The following TM9SF2 variants were observed in gnomAD, a reference collection of about 807,000 sequenced individuals.
TM9SF2 encodes 76 kDa membrane protein.
Under a neutral mutation model 84.9 loss-of-function variants are expected in TM9SF2, and 13 were observed. The observed-to-expected ratio is 0.15, with a 90% confidence interval of 0.10 to 0.24. The LOEUF is 0.24. TM9SF2 is among the 10% of genes least tolerant of loss of function. The pLI is 1.00. For missense variants in TM9SF2, 562 were observed against 818.5 expected, an observed-to-expected ratio of 0.69 and a Z score of 3.82; for synonymous variants, 273 against 285.8, an observed-to-expected ratio of 0.96 and a Z score of 0.45.
At chr13:99,517,875 C>T (rs2046141734) in intron 2 of TM9SF2, among the ~76,000 whole-genome samples, 194 bp downstream of exon 2, 1 of 152,072 alleles carries the variant, frequency 6.6e-6, no homozygotes, top group South Asian at 2.1e-4. Flanking sequence ...ACTGACTAAA[C>T]AATGGATTTC....
intron 1 of TM9SF2, among the ~76,000 whole-genome samples, chr13:99,508,443 A>ACACACACACACCCC (rs1311954976): frequency 1.4e-5 from 2 of 147,448 alleles, no homozygotes; most frequent in East Asian, 2.0e-4. Flanking sequence ...ACACACACAC[A>ACACACACACACCCC]CCCCAGAGAT....
chr13:99,531,519 C>A (rs990083423), intron 4 of TM9SF2, among the ~76,000 whole-genome samples: 1 of 152,068 alleles, frequency 6.6e-6, no homozygotes, highest in South Asian at 2.1e-4. Context: ...ATGCATAGAA[C>A]CCTGGGTTGC....
chr13:99,538,409 T>C (rs1289747676), intron 6 of TM9SF2, among the ~76,000 whole-genome samples: 1 of 152,170 alleles, frequency 6.6e-6, no homozygotes, highest in Non-Finnish European at 1.5e-5. Context: ...TTTTCTGCCA[T>C]TGAATTAGCC....
intron 1 of TM9SF2, among the ~76,000 whole-genome samples, chr13:99,510,463 G>C (rs1041678380): frequency 6.6e-6 from 1 of 152,146 alleles, no homozygotes; most frequent in East Asian, 1.9e-4. Context: ...ATTGGCTCAC[G>C]ATTCTGCAGG....
Position 99,543,961 on chromosome 13 carries a change from G to A in TM9SF2, c.1116G>A (p.Gly372=). 4 of 1,614,066 alleles carry A rather than the reference G, an allele frequency of 2.5e-6. No homozygotes were observed. Among genetic ancestry groups the A allele is most frequent in the Non-Finnish European group, 3.4e-6 (4 of 1,179,982 alleles). The part of the protein sequence containing the change: ...GMLLSVFLGS[G]TQILIMTFVT... ...TGCTATCAGTCTTTCTAGGATCCGG[G>A]ACACAGATTTTAATTATGACCTTTG... The change falls in exon 10 of 17, where the codon GGG becomes GGA. Residue 372 remains glycine, a synonymous_variant. Coordinates refer to ENST00000376387, the MANE Select transcript of TM9SF2 (RefSeq NM_004800.3).
intron 11 of TM9SF2, 61 bp downstream of exon 11, chr13:99,547,165 T>C: frequency 1.2e-6 from 2 of 1,600,644 alleles, no homozygotes; most frequent in Admixed American, 3.4e-5. Flanking sequence ...CGGCTGTGGA[T>C]CTGACCTGGG....
At chr13:99,513,904 G>A (rs1170124652) in intron 1 of TM9SF2, among the ~76,000 whole-genome samples, 4 of 111,806 alleles carry the variant, frequency 3.6e-5, no homozygotes, top group Non-Finnish European at 8.8e-5. Flanking sequence ...CCAATGTCCT[G>A]TAAAGCCTAA....
intron 1 of TM9SF2, among the ~76,000 whole-genome samples, chr13:99,502,229 G>A (rs568078198): frequency 1.4e-4 from 21 of 152,352 alleles, no homozygotes; most frequent in African/African-American, 4.8e-4. Flanking sequence ...GTTTCCATTA[G>A]CTTTTAACTT....
At chr13:99,548,380 T>G (rs555081966) in intron 11 of TM9SF2, among the ~76,000 whole-genome samples, 1 of 152,250 alleles carries the variant, frequency 6.6e-6, no homozygotes, top group African/African-American at 2.4e-5. Flanking sequence ...TATGATCTTA[T>G]GTGTATATGT....
chr13:99,551,402 T>C (rs540463246), intron 12 of TM9SF2, among the ~76,000 whole-genome samples: 30 of 152,350 alleles, frequency 2.0e-4, no homozygotes, highest in African/African-American at 7.2e-4. Flanking sequence ...GGACAGCTGA[T>C]TCTCTTCATG....
At chr13:99,535,808 C>G (rs2046231492) in intron 4 of TM9SF2, among the ~76,000 whole-genome samples, 1 of 152,100 alleles carries the variant, frequency 6.6e-6, no homozygotes, top group Non-Finnish European at 1.5e-5. Context: ...GCAGTGTACT[C>G]TGGGCGCAGG....
chr13:99,533,018 G>GT (rs1294127500), intron 4 of TM9SF2, among the ~76,000 whole-genome samples: 1 of 152,144 alleles, frequency 6.6e-6, no homozygotes, highest in Non-Finnish European at 1.5e-5. Flanking sequence ...CATTATTTGA[G>GT]TATATTCTGT....
intron 3 of TM9SF2, among the ~76,000 whole-genome samples, chr13:99,524,445 G>C (rs1388275177): frequency 6.6e-6 from 1 of 152,076 alleles, no homozygotes; most frequent in African/African-American, 2.4e-5. Flanking sequence ...GGGGGATGGG[G>C]AAGAGTTAGT....
chr13:99,562,825 G>T lies in TM9SF2; in HGVS notation c.*67G>T. ...TCTTCATCAACAAAGACCTGTTTTT[G>T]TGACTGCCTTGAGTTTTATCAGAAT... On this transcript the variant is annotated 3_prime_UTR_variant, in exon 17 of 17. Transcript: ENST00000376387. 6.7e-7 allele frequency: 1 copy of T among 1,484,148 alleles called. No homozygotes were observed. The highest frequency in any genetic ancestry group is 1.2e-5 in the South Asian group (1 of 84,322). 91.9% of individuals were successfully genotyped at this position (1,484,148 alleles called of 1,614,324 possible). A position where few individuals can be genotyped will look rare whatever the true frequency, so the allele number is the denominator to read the frequency against.
intron 1 of TM9SF2, among the ~76,000 whole-genome samples, chr13:99,513,162 T>C (rs2046120534): frequency 6.6e-6 from 1 of 152,218 alleles, no homozygotes; most frequent in African/African-American, 2.4e-5. Context: ...TTTAAGCTTC[T>C]GGGTAGAAAG....
At chr13:99,530,728 C>G (rs937170041) in intron 4 of TM9SF2, among the ~76,000 whole-genome samples, 1 of 152,150 alleles carries the variant, frequency 6.6e-6, no homozygotes, top group Non-Finnish European at 1.5e-5. Context: ...TTTTGCTTAG[C>G]CTTTCATTTT....
At chr13:99,537,944 C>T in intron 6 of TM9SF2, 81 bp downstream of exon 6, 1 of 1,472,440 alleles carries the variant, frequency 6.8e-7, no homozygotes, top group Non-Finnish European at 9.0e-7. Flanking sequence ...CTCAATTACT[C>T]CTTAATATTC....
chr13:99,540,586 A>C (rs1231582200), intron 7 of TM9SF2, 128 bp from the exon 8 acceptor site: 1 of 610,008 alleles, frequency 1.6e-6, no homozygotes, highest in Non-Finnish European at 2.7e-6. Flanking sequence ...AGGACTAACC[A>C]AAGTTAGATA....
intron 1 of TM9SF2, among the ~76,000 whole-genome samples, chr13:99,516,096 C>T (rs2046133370): frequency 6.6e-6 from 1 of 152,040 alleles, no homozygotes; most frequent in African/African-American, 2.4e-5. Flanking sequence ...CACATTTGAC[C>T]CATGTGGTCA....
Sources: gnomAD v4.1 joint callset for allele counts (sites outside exome capture counted in the v4.1 genomes callset) on GRCh38, gnomAD v4.1.1 for gene constraint, MANE v1.5 for transcripts, NCBI Gene and HGNC (gene_info 2026-07-23, HGNC 2026-07-21) for gene names.